LAMA3: variants seen among roughly 807,000 people sequenced by gnomAD.
The protein encoded by LAMA3 is laminin subunit alpha-3.
LAMA3 carries 281 observed loss-of-function variants against 402.0 expected under a neutral mutation model. That is an observed-to-expected ratio of 0.70 (90% CI 0.63 to 0.77). The LOEUF (loss-of-function observed/expected upper bound fraction) is 0.77. Among genes scored for constraint, LAMA3 ranks in the 30% least tolerant of loss-of-function variants. The probability of loss-of-function intolerance (pLI) is 0.00; values close to 1 mark genes in which losing one functional copy is unlikely to be tolerated. For synonymous variants in LAMA3, 1,431 were observed against 1,558.4 expected, an observed-to-expected ratio of 0.92 and a Z score of 1.93; for missense variants, 3,840 against 4,215.5, an observed-to-expected ratio of 0.91 and a Z score of 2.47.
At chr18:23,885,573 A>G (rs1289236480) in intron 41 of LAMA3, among the ~76,000 whole-genome samples, 1 of 152,090 alleles carries the variant, frequency 6.6e-6, no homozygotes, top group Non-Finnish European at 1.5e-5. Context: ...GACAATTTTC[A>G]TGATTAGCCA....
intron 8 of LAMA3, 99 bp downstream of exon 8, chr18:23,763,622 C>T (rs568375329): frequency 2.6e-5 from 21 of 815,988 alleles, no homozygotes; most frequent in South Asian, 1.5e-4. Flanking sequence ...GGCAGGCAAT[C>T]GTAAGAGTTT....
intron 68 of LAMA3, among the ~76,000 whole-genome samples, chr18:23,942,441 A>G (rs919034292): frequency 2.6e-5 from 4 of 152,236 alleles, no homozygotes; most frequent in African/African-American, 9.7e-5. Flanking sequence ...CACCTTATGC[A>G]TCTTCCACAC....
At chr18:23,800,435 T>G (rs1908322085) in intron 12 of LAMA3, among the ~76,000 whole-genome samples, 1 of 152,216 alleles carries the variant, frequency 6.6e-6, no homozygotes, top group Non-Finnish European at 1.5e-5. Flanking sequence ...TACATATTTA[T>G]GGGGTACAGA....
chr18:23,701,331 G>A (rs968536836), intron 1 of LAMA3, among the ~76,000 whole-genome samples: 47 of 152,306 alleles, frequency 3.1e-4, no homozygotes, highest in African/African-American at 1.1e-3. Flanking sequence ...TGGCCAGAGC[G>A]GGCAAGTGGT....
chr18:23,819,177 C>CTTT (rs11480167), intron 18 of LAMA3, among the ~76,000 whole-genome samples: 3 of 146,100 alleles, frequency 2.1e-5, no homozygotes, highest in Non-Finnish European at 3.0e-5. Context: ...GGCGAAGTGT[C>CTTT]TTTTTTTTTT....
chr18:23,791,819 A>T (rs4800513), intron 12 of LAMA3, among the ~76,000 whole-genome samples: 34,845 of 151,290 alleles, frequency 0.23, 5,874 homozygotes, highest in East Asian at 0.64. Context: ...TTAGAGTCAC[A>T]CTTTCAAATG....
rs2082239181 is a variant in LAMA3 at position 23,933,931 on chromosome 18, A to G, written c.8858A>G (p.Asn2953Ser). The G allele has an allele frequency of 6.2e-7, 1 of 1,614,102 alleles. No homozygotes were observed. Among genetic ancestry groups the G allele is most frequent in the Non-Finnish European group, 8.5e-7 (1 of 1,179,968 alleles). ...RFNKTKTFRINQLLQDTPVAS... is the reference protein window; with the variant it reads ...RFNKTKTFRISQLLQDTPVAS... ...AACAAGACCAAGACTTTTCGTATCA[A>G]CCAGGTAAGTGTCCAAACCTAACCC... The change falls in exon 67 of 75, where the codon AAC becomes AGC. Residue 2953 changes from asparagine to serine, a missense_variant. Around this residue, in one of 3 missense-constraint regions of LAMA3, gnomAD observed 840 missense variants for 981.9 expected, o/e 0.86. Coordinates refer to ENST00000313654, the MANE Select transcript of LAMA3 (RefSeq NM_198129.4).
chr18:23,725,562 G>C (rs550818852), intron 2 of LAMA3, among the ~76,000 whole-genome samples: 12 of 152,252 alleles, frequency 7.9e-5, no homozygotes, highest in African/African-American at 2.9e-4. Flanking sequence ...GAGGTCTGGG[G>C]CTCCCCATAA....
intron 6 of LAMA3, among the ~76,000 whole-genome samples, chr18:23,755,879 T>G (rs376514063): frequency 8.5e-5 from 13 of 152,278 alleles, no homozygotes; most frequent in African/African-American, 3.1e-4. Context: ...TTACAGCAGG[T>G]GTATTATTAA....
chr18:23,734,445 A>G (rs1003219272), intron 2 of LAMA3, among the ~76,000 whole-genome samples: 1 of 152,174 alleles, frequency 6.6e-6, no homozygotes, highest in East Asian at 1.9e-4. Flanking sequence ...TGAGATGCAA[A>G]CATTATTTGA....
In LAMA3 at chr18:23,885,316, T is replaced by C. The variant is rs1041867934; in HGVS notation, c.5303+463T>C. ...CACACACATATCCACAGCCCTAGCC[T>C]AGATAGCCCCCCCACCCCCCCACCC... On this transcript the variant is annotated intron_variant, in intron 41 of 74. Coordinates refer to ENST00000313654, the MANE Select transcript of LAMA3 (RefSeq NM_198129.4). 2.5e-3 allele frequency among the ~76,000 whole-genome samples: 374 copies of C among 147,348 alleles called. 4 individuals carry two copies. The highest frequency in any genetic ancestry group is 9.0e-3 in the African/African-American group (361 of 40,178).
chr18:23,719,923 AC>A (rs2061179888), intron 2 of LAMA3, among the ~76,000 whole-genome samples: 1 of 152,074 alleles, frequency 6.6e-6, no homozygotes, highest in Non-Finnish European at 1.5e-5. Context: ...CTTGGTTTTG[AC>A]CCAGTCTTTC....
chr18:23,906,801 A>C (rs1179338639), intron 52 of LAMA3, among the ~76,000 whole-genome samples: 1 of 152,226 alleles, frequency 6.6e-6, no homozygotes, highest in Non-Finnish European at 1.5e-5. Context: ...GCTTCGAGGT[A>C]GGCTCAGTGT....
intron 54 of LAMA3, among the ~76,000 whole-genome samples, chr18:23,908,549 AAAAGG>A: frequency 6.6e-6 from 1 of 151,276 alleles, no homozygotes; most frequent in Non-Finnish European, 1.5e-5. Context: ...AAAAAAAAAA[AAAAGG>A]AAAGAAAGAA....
At chr18:23,747,215 C>T (rs942307796) in intron 2 of LAMA3, among the ~76,000 whole-genome samples, 1 of 152,072 alleles carries the variant, frequency 6.6e-6, no homozygotes, top group Non-Finnish European at 1.5e-5. Context: ...AAAATTCAAG[C>T]CAGATAAGTT....
rs2063603444 is a variant in LAMA3, at chr18:23,837,332, GT to G, written c.3093+248del. ...CCTCTCACAAAATCCCGTTTCATTA[GT>G]TTTTATTCATTTCTACTATTATAAA... On this transcript the variant is annotated intron_variant, in intron 25 of 74. Transcript: ENST00000313654. 3 of 488,958 alleles carry G rather than the reference GT, an allele frequency of 6.1e-6. 1 individual carries two copies. The highest frequency in any genetic ancestry group is 1.1e-3 in the Middle Eastern group (2 of 1,740). The allele number at this position is 488,958 out of a possible 1,614,324, so 30.3% of individuals were successfully genotyped here. A position where few individuals can be genotyped will look rare whatever the true frequency, so the allele number is the denominator to read the frequency against.
intron 32 of LAMA3, among the ~76,000 whole-genome samples, chr18:23,853,484 G>T (rs2063992857): frequency 1.3e-5 from 2 of 152,136 alleles, no homozygotes; most frequent in African/African-American, 4.8e-5. Context: ...TGTTGGTCAG[G>T]CTGTTCTCGA....
chr18:23,903,187 C>A, intron 49 of LAMA3, 62 bp downstream of exon 49: 1 of 1,033,466 alleles, frequency 9.7e-7, no homozygotes, highest in Non-Finnish European at 1.5e-6. Flanking sequence ...TGTGAGAAAA[C>A]AATGAAATGG....
chr18:23,786,904 G>A (rs1357829688), intron 12 of LAMA3, among the ~76,000 whole-genome samples: 2 of 152,220 alleles, frequency 1.3e-5, no homozygotes, highest in African/African-American at 2.4e-5. Flanking sequence ...AGTAAATTGA[G>A]CTAGCAGAAG....
Sources: allele counts gnomAD v4.1 joint callset (sites outside exome capture counted in the v4.1 genomes callset), GRCh38; gene constraint gnomAD v4.1.1; regional missense constraint gnomAD v4.1.1; transcripts MANE v1.5; gene names NCBI Gene and HGNC (gene_info 2026-07-23, HGNC 2026-07-21).